PCDHA6: variants seen among roughly 807,000 people sequenced by gnomAD.
PCDHA6 encodes the protein protocadherin alpha-6.
Under a neutral mutation model 60.3 loss-of-function variants are expected in PCDHA6, and 55 were observed. That is an observed-to-expected ratio of 0.91 (90% CI 0.73 to 1.14). PCDHA6 has a LOEUF of 1.14. Among genes scored for constraint, PCDHA6 ranks in the 50% most tolerant of loss-of-function variants. The pLI, the probability that PCDHA6 is intolerant of heterozygous loss-of-function variation, is 0.00. For synonymous variants in PCDHA6, 652 were observed against 557.9 expected, an observed-to-expected ratio of 1.17 and a Z score of -2.38; for missense variants, 1,327 against 1,256.5, an observed-to-expected ratio of 1.06 and a Z score of -0.85.
At chr5:140,843,447 G>A (rs373780721) in intron 1 of PCDHA6, 12 of 1,596,056 alleles carry the variant, frequency 7.5e-6, no homozygotes, top group Non-Finnish European at 1.0e-5. Flanking sequence ...GCGGTATCCA[G>A]CCTGCTGGTG....
intron 1 of PCDHA6, among the ~76,000 whole-genome samples, chr5:140,971,368 G>A (rs1433220574): frequency 1.3e-5 from 2 of 152,186 alleles, no homozygotes; most frequent in Non-Finnish European, 2.9e-5. Context: ...TGCCAGGAGA[G>A]TGCATGACTT....
chr5:140,828,899 G>A lies in PCDHA6; in HGVS notation c.808G>A (p.Asp270Asn). ...TVIRLNASDR[D>N]EGANGAISYS... is the part of the protein sequence containing the mutation. ...TATCAGACTGAATGCTTCTGATCGG[G>A]ATGAAGGAGCGAATGGGGCAATTTC... Residue 270 changes from aspartate (D) to asparagine (N), a missense_variant, in exon 1 of 4, where the codon GAT (aspartate) becomes AAT (asparagine). Coordinates refer to ENST00000529310, the MANE Select transcript of PCDHA6 (RefSeq NM_018909.4). The A allele has an allele frequency of 6.2e-7, 1 of 1,614,256 alleles. No individual in the cohort carries two copies. The highest frequency in any genetic ancestry group is 8.5e-7 in the Non-Finnish European group (1 of 1,180,054).
chr5:140,995,526 A>G (rs1241973159), intron 3 of PCDHA6, among the ~76,000 whole-genome samples: 1 of 152,244 alleles, frequency 6.6e-6, no homozygotes, highest in Non-Finnish European at 1.5e-5. Context: ...TCAGAAATCA[A>G]ACCTCAAATA....
At chr5:140,969,945 A>G (rs2096371634) in intron 1 of PCDHA6, among the ~76,000 whole-genome samples, 1 of 152,214 alleles carries the variant, frequency 6.6e-6, no homozygotes, top group South Asian at 2.1e-4. Flanking sequence ...TACTGAAGCT[A>G]AAGTTTGCTT....
chr5:140,907,083 G>T (rs770380704), intron 1 of PCDHA6, among the ~76,000 whole-genome samples: 56 of 152,144 alleles, frequency 3.7e-4, no homozygotes, highest in Non-Finnish European at 7.1e-4. Context: ...AGGGGTGATG[G>T]TAAGTGGTGC....
intron 1 of PCDHA6, chr5:140,877,741 A>C: frequency 6.2e-7 from 1 of 1,614,182 alleles, no homozygotes; most frequent in Non-Finnish European, 8.5e-7. Context: ...GAGGAGGCAG[A>C]GGGTGTGCTC....
In PCDHA6 at chr5:140,830,371, C is replaced by T. The variant is rs142388736; in HGVS notation, c.2280C>T (p.Ser760=). 3.7e-5 allele frequency: 60 copies of T among 1,614,002 alleles called. No individual in the cohort carries two copies. In the Middle Eastern group the frequency reaches 6.6e-4, roughly 18 times the overall value. ...AGCAGAGGCGGCAGAGGGTGTGCTC[C>T]GGGGAGGGCCCACCCAAGATGGATC... ...YSQQRRQRVC[S]GEGPPKMDLM... is the part of the protein sequence containing the mutation. Residue 760 remains serine, a synonymous_variant, in exon 1 of 4, where the codon TCC becomes TCT. Transcript: ENST00000529310.
At chr5:140,834,344 G>A (rs2150215547) in intron 1 of PCDHA6, 3 of 1,518,348 alleles carry the variant, frequency 2.0e-6, no homozygotes, top group Non-Finnish European at 1.8e-6. Context: ...AAATTCGAAG[G>A]CAAGTTTTGC....
intron 3 of PCDHA6, among the ~76,000 whole-genome samples, chr5:141,005,586 C>T (rs1428172819): frequency 6.6e-6 from 1 of 150,712 alleles, no homozygotes; most frequent in Non-Finnish European, 1.5e-5. Flanking sequence ...CCTGTAGTCC[C>T]AGCTACACAG....
At chr5:140,947,796 T>C (rs2094177808) in intron 1 of PCDHA6, among the ~76,000 whole-genome samples, 2 of 151,630 alleles carry the variant, frequency 1.3e-5, no homozygotes, top group Non-Finnish European at 3.0e-5. Context: ...AACAGACTTT[T>C]AATTTGCAGA....
intron 3 of PCDHA6, among the ~76,000 whole-genome samples, chr5:140,987,487 C>A (rs868928905): frequency 6.6e-6 from 1 of 152,154 alleles, no homozygotes; most frequent in Non-Finnish European, 1.5e-5. Flanking sequence ...GTCAGTGACC[C>A]TTTCTGAATT....
intron 1 of PCDHA6, chr5:140,968,436 C>T (rs1479503016): frequency 3.1e-6 from 5 of 1,613,876 alleles, no homozygotes; most frequent in Non-Finnish European, 3.4e-6. Context: ...AAGGGGAGCC[C>T]ACCACTGAGC....
chr5:140,891,820 G>T (rs1341896388), intron 1 of PCDHA6, among the ~76,000 whole-genome samples: 3 of 152,102 alleles, frequency 2.0e-5, no homozygotes, highest in African/African-American at 7.2e-5. Context: ...TAAATTAACG[G>T]CACTGTAAAA....
intron 1 of PCDHA6, chr5:140,928,383 G>T (rs1474490422): frequency 2.5e-6 from 4 of 1,613,920 alleles, no homozygotes; most frequent in South Asian, 1.1e-5. Context: ...CCTCTAGCTT[G>T]CTGGCAGTGG....
At chr5:140,987,119 CAGG>C (rs1258206409) in intron 3 of PCDHA6, among the ~76,000 whole-genome samples, 2 of 151,448 alleles carry the variant, frequency 1.3e-5, no homozygotes, top group Non-Finnish European at 2.9e-5. Flanking sequence ...GAGGCTGAGG[CAGG>C]AGAATTGCTT....
chr5:140,930,591 CAT>C (rs1554207939), intron 1 of PCDHA6: 1 of 152,406 alleles, frequency 6.6e-6, no homozygotes, highest in African/African-American at 2.4e-5. Flanking sequence ...TTTGACTTCT[CAT>C]AGAAATCCTA....
intron 1 of PCDHA6, chr5:140,859,685 A>AT (rs1250609126): frequency 6.5e-6 from 1 of 154,692 alleles, no homozygotes; most frequent in Admixed American, 6.4e-5. Context: ...TAAAATTAAA[A>AT]TTATTGTTCA....
At chr5:140,883,038 A>G (rs782789489) in intron 1 of PCDHA6, 3 of 1,614,160 alleles carry the variant, frequency 1.9e-6, no homozygotes, top group East Asian at 2.2e-5. Context: ...AACGCCTTCA[A>G]TGGAACATTA....
chr5:140,882,094 C>T, intron 1 of PCDHA6: 1 of 1,172,684 alleles, frequency 8.5e-7, no homozygotes, highest in Non-Finnish European at 1.2e-6. Context: ...TCACTGAGAA[C>T]GTTTCCGCGA....
Sources: gnomAD v4.1 joint callset for allele counts (sites outside exome capture counted in the v4.1 genomes callset) on GRCh38, gnomAD v4.1.1 for gene constraint, MANE v1.5 for transcripts, NCBI Gene and HGNC (gene_info 2026-07-23, HGNC 2026-07-21) for gene names.